ATAD2: variants seen among roughly 807,000 people sequenced by gnomAD.
The protein encoded by ATAD2 is ATPase family AAA domain containing 2, also known as ATPase family AAA domain-containing protein 2.
In ATAD2, 62 loss-of-function variants were observed where a neutral mutation model predicts 168.9. The observed-to-expected ratio is 0.37, with a 90% confidence interval of 0.30 to 0.45. The LOEUF (loss-of-function observed/expected upper bound fraction) is 0.45, where lower values mean the gene tolerates loss of function less well. Among genes scored for constraint, ATAD2 ranks in the 20% least tolerant of loss-of-function variants. ATAD2 has a pLI of 1.00. For synonymous variants in ATAD2, 613 were observed against 571.6 expected, an observed-to-expected ratio of 1.07 and a Z score of -1.03; for missense variants, 1,419 against 1,667.8, an observed-to-expected ratio of 0.85 and a Z score of 2.60.
intron 19 of ATAD2, chr8:123,342,606 C>T (rs559118464): frequency 9.2e-5 from 14 of 152,250 alleles, no homozygotes; most frequent in African/African-American, 3.4e-4. Flanking sequence ...ATAAAGGCGA[C>T]AGTGTAGGGT....
chr8:123,366,087 C>A (rs1586886477), intron 8 of ATAD2, among the ~76,000 whole-genome samples: 1 of 151,996 alleles, frequency 6.6e-6, no homozygotes, highest in South Asian at 2.1e-4. Flanking sequence ...AAAAAACAAT[C>A]CCATCAAAAA....
chr8:123,349,160 T>A (rs539018516), intron 14 of ATAD2, 125 bp downstream of exon 14: 5 of 950,616 alleles, frequency 5.3e-6, no homozygotes, highest in Non-Finnish European at 7.6e-6. Flanking sequence ...ATTTGAGTTG[T>A]TTACTATCAT....
chr8:123,384,806 C>T (rs1221251366), intron 1 of ATAD2, among the ~76,000 whole-genome samples: 1 of 152,170 alleles, frequency 6.6e-6, no homozygotes, highest in Non-Finnish European at 1.5e-5. Flanking sequence ...TAAAATCTTA[C>T]TTTCTAAGTT....
At chr8:123,333,036 T>A (rs1385603331) in intron 24 of ATAD2, among the ~76,000 whole-genome samples, 1 of 151,234 alleles carries the variant, frequency 6.6e-6, no homozygotes, top group African/African-American at 2.4e-5. Flanking sequence ...CAATAGAAGG[T>A]TCAACCCCAG....
intron 25 of ATAD2, 33 bp from the exon 26 acceptor site, chr8:123,326,059 T>G: frequency 1.2e-6 from 2 of 1,604,630 alleles, no homozygotes; most frequent in Non-Finnish European, 1.7e-6. Flanking sequence ...TATTATTTGG[T>G]CCATAGATAT....
At chr8:123,363,203 G>A (rs1828874563) in intron 8 of ATAD2, among the ~76,000 whole-genome samples, 1 of 152,132 alleles carries the variant, frequency 6.6e-6, no homozygotes, top group African/African-American at 2.4e-5. Context: ...CCAGAAACGT[G>A]TATCAAAAAA....
Position 123,334,263 on chromosome 8 carries a change from C to T in ATAD2, c.3271G>A (p.Glu1091Lys). 6.2e-7 allele frequency: 1 copy of T among 1,603,496 alleles called. No individual in the cohort carries two copies. The highest frequency in any genetic ancestry group is 8.5e-7 in the Non-Finnish European group (1 of 1,177,426). ...TGCTCAAAGTCTTCATCAAGTTCTT[C>T]TTTAATTATGGCATAGGCAGTATCT... ...LRDTAYAIIK[E>K]ELDEDFEQLC... Residue 1091 changes from glutamate to lysine, a missense_variant, in exon 23 of 28, where the codon GAA becomes AAA. By Grantham distance (56) the Glu-to-Lys change is moderately conservative. Around this residue, in one of 5 missense-constraint regions of ATAD2, gnomAD observed 545 missense variants for 724.9 expected, o/e 0.75. Coordinates refer to ENST00000287394, the MANE Select transcript of ATAD2 (RefSeq NM_014109.4).
chr8:123,396,758 G>A (rs1586910593), upstream of ATAD2, among the ~76,000 whole-genome samples: 1 of 152,138 alleles, frequency 6.6e-6, no homozygotes, highest in Non-Finnish European at 1.5e-5. Flanking sequence ...GCGGGGGAAG[G>A]GAGGCCTCTG....
intron 2 of ATAD2, among the ~76,000 whole-genome samples, chr8:123,376,899 T>C (rs529338300): frequency 2.0e-5 from 3 of 151,654 alleles, no homozygotes; most frequent in African/African-American, 7.3e-5. Context: ...TCTACACCAG[T>C]CTGGCCAACA....
At chr8:123,407,745 C>T (rs1053608547) in intron 1 of ATAD2, among the ~76,000 whole-genome samples, 2 of 151,780 alleles carry the variant, frequency 1.3e-5, no homozygotes, top group African/African-American at 2.4e-5. Context: ...CCCAGCTACT[C>T]GGGAGGCTGA....
At chr8:123,343,196 G>A (rs373504812) in intron 19 of ATAD2, among the ~76,000 whole-genome samples, 10 of 151,888 alleles carry the variant, frequency 6.6e-5, no homozygotes, top group African/African-American at 1.2e-4. Flanking sequence ...GGCTGGTCTT[G>A]AACTCCTGAT....
At chr8:123,329,425 T>C (rs977530057) in intron 24 of ATAD2, among the ~76,000 whole-genome samples, 5 of 152,036 alleles carry the variant, frequency 3.3e-5, no homozygotes, top group Admixed American at 3.3e-4. Flanking sequence ...AAGCATATAC[T>C]AGGAATTCTT....
intron 13 of ATAD2, among the ~76,000 whole-genome samples, chr8:123,352,891 CT>C (rs1828517305): frequency 6.6e-6 from 1 of 151,510 alleles, no homozygotes; most frequent in Admixed American, 6.6e-5. Context: ...GAGACTTCAT[CT>C]TTACTAAAAA....
chr8:123,407,307 A>T (rs1813080399), intron 1 of ATAD2, among the ~76,000 whole-genome samples: 1 of 152,080 alleles, frequency 6.6e-6, no homozygotes, highest in South Asian at 2.1e-4. Flanking sequence ...TACATATAGC[A>T]CCCCTGGGAA....
At position 123,380,663 on chromosome 8, in the gene ATAD2, A is replaced by G; in HGVS notation, c.186T>C (p.Val62=). The G allele has an allele frequency of 6.2e-7, 1 of 1,613,000 alleles. No homozygotes were observed. ...TCCGGTGGTAGGTTTCAACTTCCTT[A>G]ACTGATGACCCATCCTTTAAGAAAA... is the stretch of plus-strand genomic sequence containing the variant. ...TTAKAGDGSS[V]KEVETYHRTR... The change falls in exon 2 of 28, where the codon GTT becomes GTC. Residue 62 remains valine (V), a synonymous_variant. Transcript: ENST00000287394.
chr8:123,329,775 A>ATT (rs370972532), intron 24 of ATAD2, among the ~76,000 whole-genome samples: 110,346 of 129,468 alleles, frequency 0.85, 49,508 homozygotes, highest in East Asian at 0.99. Flanking sequence ...AAAAAAAAAA[A>ATT]TTTTTCACTT....
chr8:123,349,746 AAG>A (rs1294006750), intron 13 of ATAD2, among the ~76,000 whole-genome samples: 1 of 151,972 alleles, frequency 6.6e-6, no homozygotes, highest in African/African-American at 2.4e-5. Context: ...TAACATCAAA[AAG>A]AAAAAAAAGG....
At chr8:123,408,799 G>A (rs1198438328) in intron 1 of ATAD2, among the ~76,000 whole-genome samples, 3 of 150,996 alleles carry the variant, frequency 2.0e-5, no homozygotes, top group Non-Finnish European at 4.4e-5. Flanking sequence ...TTACAGGCGT[G>A]AGCCACCGTG....
At chr8:123,346,368 T>C in intron 17 of ATAD2, 96 bp from the exon 18 acceptor site, 1 of 1,246,480 alleles carries the variant, frequency 8.0e-7, no homozygotes, top group Non-Finnish European at 1.1e-6. Flanking sequence ...GTAAAAAGTC[T>C]TGCCAATAAG....
Sources: allele counts gnomAD v4.1 joint callset (sites outside exome capture counted in the v4.1 genomes callset), GRCh38; gene constraint gnomAD v4.1.1; regional missense constraint gnomAD v4.1.1; transcripts MANE v1.5; gene names NCBI Gene and HGNC (gene_info 2026-07-23, HGNC 2026-07-21).